The following GALNT2 variants were observed in gnomAD, a reference collection of about 807,000 sequenced individuals.
GALNT2 encodes the protein polypeptide N-acetylgalactosaminyltransferase 2.
Under a neutral mutation model 81.4 loss-of-function variants are expected in GALNT2, and 31 were observed. The ratio of observed to expected loss-of-function variants is 0.38; its 90% confidence interval spans 0.29 to 0.51. The LOEUF is 0.51. GALNT2 is among the 20% of genes least tolerant of loss of function. The pLI is 0.87. For missense variants in GALNT2, 629 were observed against 765.7 expected (o/e 0.82, Z 2.11); for synonymous variants, 303 against 287.4 (o/e 1.05, Z -0.55).
chr1:230,091,047 G>A (rs192644486), intron 1 of GALNT2, among the ~76,000 whole-genome samples: 44 of 151,422 alleles, frequency 2.9e-4, no homozygotes, highest in African/African-American at 1.0e-3. Flanking sequence ...TGTGTACTCC[G>A]CAGACCTTTT....
intron 1 of GALNT2, among the ~76,000 whole-genome samples, chr1:230,143,214 G>A (rs1661804036): frequency 6.6e-6 from 1 of 152,182 alleles, no homozygotes; most frequent in Non-Finnish European, 1.5e-5. Context: ...TTCCCTGTGA[G>A]CATCTGGGCT....
intron 11 of GALNT2, among the ~76,000 whole-genome samples, chr1:230,255,870 G>A (rs1180884883): frequency 6.6e-6 from 1 of 152,174 alleles, no homozygotes; most frequent in Non-Finnish European, 1.5e-5. Flanking sequence ...CATTGTCTTA[G>A]TCCATTTTAT....
chr1:230,178,656 T>C (rs1463010388), intron 2 of GALNT2, among the ~76,000 whole-genome samples: 1 of 152,132 alleles, frequency 6.6e-6, no homozygotes, highest in East Asian at 1.9e-4. Context: ...GTACAGAGAA[T>C]TCCTGTATAC....
intron 14 of GALNT2, among the ~76,000 whole-genome samples, chr1:230,265,766 C>T (rs1444381505): frequency 4.6e-5 from 7 of 152,360 alleles, no homozygotes; most frequent in South Asian, 2.1e-4. Flanking sequence ...GCCTATACAA[C>T]AGATTCTTAA....
intron 1 of GALNT2, among the ~76,000 whole-genome samples, chr1:230,113,370 G>A (rs1660757182): frequency 6.6e-6 from 1 of 152,120 alleles, no homozygotes; most frequent in Admixed American, 6.5e-5. Context: ...AGTTTGCGCA[G>A]CACTTACATG....
At chr1:230,121,227 G>T (rs1163924431) in intron 1 of GALNT2, among the ~76,000 whole-genome samples, 1 of 152,200 alleles carries the variant, frequency 6.6e-6, no homozygotes, top group Non-Finnish European at 1.5e-5. Flanking sequence ...TGCTGCACCT[G>T]CCTGCTGTGT....
rs1666249454 is a variant in GALNT2, at chr1:230,275,009, C to T, written c.1560+445C>T. On this transcript the variant is annotated intron_variant, in intron 15 of 15. Coordinates refer to ENST00000366672, the MANE Select transcript of GALNT2 (RefSeq NM_004481.5). The surrounding 1 kb of genome is among the most constrained non-coding windows in gnomAD (Gnocchi z 5.5). ...TACATATATACATATATACATGCCACATATATACATATATACACGCCACAT... is the reference window on the plus strand; with the variant it reads ...TACATATATACATATATACATGCCATATATATACATATATACACGCCACAT... Among the ~76,000 whole-genome samples the T allele has an allele frequency of 6.6e-6, 1 of 151,460 alleles. No individual in the cohort carries two copies. Among genetic ancestry groups the T allele is most frequent in the South Asian group, 2.1e-4 (1 of 4,818 alleles).
intron 1 of GALNT2, among the ~76,000 whole-genome samples, chr1:230,083,453 T>A (rs569747675): frequency 3.4e-5 from 5 of 147,526 alleles, no homozygotes; most frequent in African/African-American, 1.0e-4. Context: ...GGAGCTGGGA[T>A]GTTGGAGCAG....
chr1:230,262,579 C>A lies in GALNT2; in HGVS notation c.1143C>A (p.Thr381=). 1 of 1,613,682 alleles carries A rather than the reference C, an allele frequency of 6.2e-7. No homozygotes were observed. Among genetic ancestry groups the A allele is most frequent in the South Asian group, 1.1e-5 (1 of 91,046 alleles). ...AGATTTATTTTCTTTCTAGAAACAC[C>A]CGCCGGGCAGCAGAGGTCTGGATGG... ...GGSGTVFARN[T]RRAAEVWMDE... Residue 381 remains threonine, a synonymous_variant, in exon 12 of 16, where the codon ACC becomes ACA. Transcript: ENST00000366672.
At chr1:230,241,727 G>C (rs573663615) in intron 6 of GALNT2, among the ~76,000 whole-genome samples, 1 of 152,156 alleles carries the variant, frequency 6.6e-6, no homozygotes, top group African/African-American at 2.4e-5. Flanking sequence ...GATTACAGGC[G>C]TGAGCCACCA....
intron 3 of GALNT2, among the ~76,000 whole-genome samples, chr1:230,218,783 G>A (rs1664463100): frequency 6.6e-6 from 1 of 151,568 alleles, no homozygotes; most frequent in Non-Finnish European, 1.5e-5. Context: ...TACCAAAATA[G>A]GCTTAAAGCA....
chr1:230,137,354 G>A (rs1661582415), intron 1 of GALNT2, among the ~76,000 whole-genome samples: 1 of 152,222 alleles, frequency 6.6e-6, no homozygotes, highest in African/African-American at 2.4e-5. Context: ...GCTTCATGCT[G>A]TGTTTGGGCC....
At chr1:230,159,655 C>T (rs1459739198) in intron 1 of GALNT2, among the ~76,000 whole-genome samples, 2 of 152,158 alleles carry the variant, frequency 1.3e-5, no homozygotes, top group Non-Finnish European at 2.9e-5. Flanking sequence ...CACCCCGAGC[C>T]GTTGTGGTTC....
intron 10 of GALNT2, among the ~76,000 whole-genome samples, chr1:230,252,003 G>A (rs1365500881): frequency 6.6e-6 from 1 of 152,154 alleles, no homozygotes; most frequent in Non-Finnish European, 1.5e-5. Context: ...AGGTTGGGGT[G>A]AAGATGAACC....
intron 1 of GALNT2, among the ~76,000 whole-genome samples, chr1:230,116,117 C>T (rs774397732): frequency 9.2e-5 from 14 of 152,202 alleles, no homozygotes; most frequent in Non-Finnish European, 1.6e-4. Flanking sequence ...CTGTGAATCA[C>T]GAATGTTCTT....
chr1:230,270,554 G>A (rs78954086), intron 14 of GALNT2, among the ~76,000 whole-genome samples: 2,492 of 152,346 alleles, frequency 0.016, 74 homozygotes, highest in African/African-American at 0.057. Context: ...GTGCCCTGTA[G>A]CTAGCACATT....
chr1:230,270,899 C>T (rs1666145133), intron 14 of GALNT2, among the ~76,000 whole-genome samples: 1 of 152,242 alleles, frequency 6.6e-6, no homozygotes. Context: ...AAAACGGCAA[C>T]TAGCTCTGTT....
At chr1:230,104,613 G>T (rs889635257) in intron 1 of GALNT2, among the ~76,000 whole-genome samples, 14 of 152,170 alleles carry the variant, frequency 9.2e-5, no homozygotes, top group Non-Finnish European at 1.9e-4. Context: ...TTTCTTAATA[G>T]GCTTCAGAAA....
At chr1:230,223,194 T>TTC (rs1468096189) in intron 3 of GALNT2, among the ~76,000 whole-genome samples, 1 of 150,526 alleles carries the variant, frequency 6.6e-6, no homozygotes, top group African/African-American at 2.4e-5. Flanking sequence ...TTCTTTTCTT[T>TTC]TTTTTTTTTT....
Sources: gnomAD v4.1 joint callset for allele counts (sites outside exome capture counted in the v4.1 genomes callset) on GRCh38, gnomAD v4.1.1 for gene constraint, Gnocchi (gnomAD v3.1) non-coding constraint, MANE v1.5 for transcripts, NCBI Gene and HGNC (gene_info 2026-07-23, HGNC 2026-07-21) for gene names.